UTRN: variants seen among roughly 807,000 people sequenced by gnomAD.
UTRN encodes utrophin.
UTRN carries 283 observed loss-of-function variants against 463.9 expected under a neutral mutation model. That is an observed-to-expected ratio of 0.61 (90% CI 0.55 to 0.67). The LOEUF (loss-of-function observed/expected upper bound fraction) is 0.67, where lower values mean the gene tolerates loss of function less well. Among genes scored for constraint, UTRN ranks in the 30% least tolerant of loss-of-function variants. UTRN has a pLI of 0.00. For synonymous variants in UTRN, 1,442 were observed against 1,431.5 expected (o/e 1.01, Z -0.17); for missense variants, 3,922 against 4,084.3 (o/e 0.96, Z 1.08).
intron 2 of UTRN, among the ~76,000 whole-genome samples, chr6:144,371,176 C>T (rs9321972): frequency 0.012 from 1,851 of 152,214 alleles, 35 homozygotes; most frequent in African/African-American, 0.042. Context: ...CATTTACTAA[C>T]GTGAGTATTA....
chr6:144,534,348 G>A (rs959402957), intron 43 of UTRN, among the ~76,000 whole-genome samples: 1 of 152,114 alleles, frequency 6.6e-6, no homozygotes, highest in Non-Finnish European at 1.5e-5. Flanking sequence ...GAGAGGCGAG[G>A]TTAAGTAACT....
At chr6:144,676,369 A>G (rs972874628) in intron 51 of UTRN, among the ~76,000 whole-genome samples, 2 of 152,152 alleles carry the variant, frequency 1.3e-5, no homozygotes, top group Non-Finnish European at 2.9e-5. Flanking sequence ...TTTAAGAACC[A>G]TTTTAAATCA....
intron 51 of UTRN, among the ~76,000 whole-genome samples, chr6:144,622,865 GA>G (rs1435975805): frequency 6.6e-6 from 1 of 152,222 alleles, no homozygotes; most frequent in African/African-American, 2.4e-5. Flanking sequence ...TGTTGCAGAT[GA>G]TACCTGTTTC....
chr6:144,329,439 C>T (rs1776191821), intron 2 of UTRN, among the ~76,000 whole-genome samples: 1 of 152,090 alleles, frequency 6.6e-6, no homozygotes, highest in Non-Finnish European at 1.5e-5. Flanking sequence ...ATACAGTTAC[C>T]AAAATACTGA....
chr6:144,803,170 G>T, intron 65 of UTRN, 23 bp downstream of exon 65: 1 of 1,392,138 alleles, frequency 7.2e-7, no homozygotes, highest in Non-Finnish European at 9.5e-7. Flanking sequence ...CCACTGTTTT[G>T]TTTTTAATAC....
intron 74 of UTRN, 35 bp from the exon 75 acceptor site, chr6:144,850,953 GC>G (rs745717545): frequency 6.2e-7 from 1 of 1,613,288 alleles, no homozygotes; most frequent in South Asian, 1.1e-5. Context: ...AATGTTTTGT[GC>G]AAATTTCTGA....
Position 144,718,150 on chromosome 6 carries a change from A to G in UTRN, c.7810-12207A>G, listed in dbSNP as rs1009470692. Among the ~76,000 whole-genome samples, 13 of 152,128 alleles carry G rather than the reference A, an allele frequency of 8.5e-5. 2 individuals are homozygous for G. The highest frequency in any genetic ancestry group is 2.9e-4 in the African/African-American group (12 of 41,424). Reference sequence around the variant, plus strand: ...CAGTCTGAGACAAGAGCTGAGAAACATGGTAGAATTTTAGATTAGCATGAT... The same window carrying G: ...CAGTCTGAGACAAGAGCTGAGAAACGTGGTAGAATTTTAGATTAGCATGAT... On this transcript the variant is annotated intron_variant, in intron 53 of 74. Coordinates refer to ENST00000367545, the MANE Select transcript of UTRN (RefSeq NM_007124.3).
intron 58 of UTRN, among the ~76,000 whole-genome samples, chr6:144,758,730 G>A (rs749075833): frequency 6.6e-6 from 1 of 152,038 alleles, no homozygotes; most frequent in Non-Finnish European, 1.5e-5. Flanking sequence ...TAGTCCCTTG[G>A]AGTGTAACTT....
intron 51 of UTRN, among the ~76,000 whole-genome samples, chr6:144,658,294 T>C (rs529662176): frequency 6.6e-6 from 1 of 152,306 alleles, no homozygotes; most frequent in South Asian, 2.1e-4. Flanking sequence ...TTTGTATAGA[T>C]GGGCATATGT....
intron 2 of UTRN, among the ~76,000 whole-genome samples, chr6:144,328,452 T>C (rs1776115868): frequency 6.6e-6 from 1 of 152,214 alleles, no homozygotes; most frequent in African/African-American, 2.4e-5. Context: ...AGTTGAGCTG[T>C]TAAGTAACTC....
At chr6:144,637,003 T>C (rs1016853394) in intron 51 of UTRN, among the ~76,000 whole-genome samples, 25 of 152,332 alleles carry the variant, frequency 1.6e-4, no homozygotes, top group Non-Finnish European at 5.9e-5. Context: ...GGAGTCTTCA[T>C]TGACACCCAG....
chr6:144,437,551 A>G lies in UTRN; in HGVS notation c.1060-14A>G. 2 of 1,588,396 alleles carry G rather than the reference A, an allele frequency of 1.3e-6. No homozygotes were observed. The highest frequency in any genetic ancestry group is 8.5e-7 in the Non-Finnish European group (1 of 1,170,922). On this transcript the variant is annotated splice_polypyrimidine_tract_variant and intron_variant, in intron 10 of 74. Transcript: ENST00000367545. Reference sequence around the variant, plus strand: ...ACTGAGTAGCTCACAAATTATAACAATGTCCCTTTCTAGGCTTTTATGATG... The same window carrying G: ...ACTGAGTAGCTCACAAATTATAACAGTGTCCCTTTCTAGGCTTTTATGATG...
At chr6:144,747,347 T>C (rs946299947) in intron 54 of UTRN, among the ~76,000 whole-genome samples, 33 of 152,200 alleles carry the variant, frequency 2.2e-4, no homozygotes, top group Admixed American at 2.1e-3. Context: ...TAGAAGATAG[T>C]GAGGCCCCAG....
intron 41 of UTRN, among the ~76,000 whole-genome samples, chr6:144,528,758 G>A (rs1014337873): frequency 3.3e-5 from 5 of 152,190 alleles, no homozygotes; most frequent in Admixed American, 6.5e-5. Context: ...GGTTAAGTTC[G>A]CTGGTTTTCT....
chr6:144,343,040 TGAG>T (rs1210619526), intron 2 of UTRN, among the ~76,000 whole-genome samples: 2 of 151,890 alleles, frequency 1.3e-5, no homozygotes. Flanking sequence ...AATGCAGAGA[TGAG>T]GAGGAGGAGC....
chr6:144,427,363 G>T (rs1446942435), intron 7 of UTRN, among the ~76,000 whole-genome samples: 3 of 151,768 alleles, frequency 2.0e-5, no homozygotes, highest in African/African-American at 4.8e-5. Context: ...TTTTTTGCTG[G>T]TATATAAAAG....
intron 2 of UTRN, among the ~76,000 whole-genome samples, chr6:144,331,530 A>C (rs1490475188): frequency 6.6e-6 from 1 of 152,224 alleles, no homozygotes; most frequent in Non-Finnish European, 1.5e-5. Flanking sequence ...GCGCTATTCC[A>C]AATCTCCAAC....
At chr6:144,664,415 C>A (rs1780178368) in intron 51 of UTRN, among the ~76,000 whole-genome samples, 1 of 151,098 alleles carries the variant, frequency 6.6e-6, no homozygotes, top group Admixed American at 6.6e-5. Flanking sequence ...GTTTTCATCA[C>A]ACTATCTGAG....
chr6:144,733,227 T>C (rs1788959100), intron 54 of UTRN, among the ~76,000 whole-genome samples: 1 of 152,170 alleles, frequency 6.6e-6, no homozygotes, highest in African/African-American at 2.4e-5. Context: ...TTGGAAAACA[T>C]ACTGCTTTTG....
Sources: gnomAD v4.1 joint callset for allele counts (sites outside exome capture counted in the v4.1 genomes callset) on GRCh38, gnomAD v4.1.1 for gene constraint, MANE v1.5 for transcripts, NCBI Gene and HGNC (gene_info 2026-07-23, HGNC 2026-07-21) for gene names.